Variants in ERBB4 observed in about 807,000 individuals in gnomAD.
The protein encoded by ERBB4 is receptor tyrosine-protein kinase erbB-4.
ERBB4 carries 42 observed loss-of-function variants against 158.0 expected under a neutral mutation model. The observed-to-expected ratio is 0.27, with a 90% CI of 0.21 to 0.34. The LOEUF is 0.34. ERBB4 is among the 10% of genes least tolerant of loss of function. The pLI, the probability that ERBB4 is intolerant of heterozygous loss-of-function variation, is 1.00. For synonymous variants in ERBB4, 583 were observed against 558.7 expected (o/e 1.04, Z -0.61); for missense variants, 1,333 against 1,624.1 (o/e 0.82, Z 3.08).
intron 3 of ERBB4, among the ~76,000 whole-genome samples, chr2:211,902,385 G>A (rs1389638526): frequency 6.6e-6 from 1 of 151,882 alleles, no homozygotes; most frequent in Non-Finnish European, 1.5e-5. Context: ...ATTAACATCT[G>A]TAATATATAA....
chr2:211,849,419 T>C (rs908066215), intron 3 of ERBB4, among the ~76,000 whole-genome samples: 5 of 151,994 alleles, frequency 3.3e-5, no homozygotes, highest in Non-Finnish European at 5.9e-5. Flanking sequence ...TACAATTAAT[T>C]AAAGCAATTT....
intron 1 of ERBB4, among the ~76,000 whole-genome samples, chr2:212,453,534 T>C (rs914612381): frequency 3.9e-5 from 6 of 152,210 alleles, no homozygotes; most frequent in African/African-American, 1.4e-4. Context: ...ATATATTGCA[T>C]TGATATCTAC....
At chr2:211,663,132 C>T (rs1164756113) in intron 15 of ERBB4, among the ~76,000 whole-genome samples, 1 of 152,138 alleles carries the variant, frequency 6.6e-6, no homozygotes, top group Non-Finnish European at 1.5e-5. Flanking sequence ...TATCTCAAAG[C>T]ATAATGTTGA....
intron 22 of ERBB4, among the ~76,000 whole-genome samples, chr2:211,424,919 A>C (rs2063592727): frequency 6.6e-6 from 1 of 152,156 alleles, no homozygotes; most frequent in Non-Finnish European, 1.5e-5. Flanking sequence ...AAAATTGTGA[A>C]GGGGATAGAA....
chr2:212,468,991 A>G (rs796391634), intron 1 of ERBB4, among the ~76,000 whole-genome samples: 13 of 152,322 alleles, frequency 8.5e-5, no homozygotes, highest in African/African-American at 3.1e-4. Flanking sequence ...GTAGACTGCT[A>G]TGGGGATCAA....
intron 3 of ERBB4, among the ~76,000 whole-genome samples, chr2:211,826,420 A>G (rs1176766489): frequency 6.6e-6 from 1 of 151,920 alleles, no homozygotes; most frequent in East Asian, 1.9e-4. Context: ...GAATCATAAA[A>G]ATATATTTCA....
rs2062558107 is a variant in ERBB4 at position 211,380,567 on chromosome 2, A to T, written c.*3048T>A. On this transcript the variant is annotated 3_prime_UTR_variant, in exon 28 of 28. Transcript: ENST00000342788. ...AAATTCTACCCTACTGGACTAAATA[A>T]GTTATTCTCTGGAAGGAATGAAACT... 1 of 232,042 alleles carries T rather than the reference A, an allele frequency of 4.3e-6. No homozygotes were observed. The highest frequency in any genetic ancestry group is 2.2e-5 in the African/African-American group (1 of 45,286). The allele number at this position is 232,042 out of a possible 1,614,324, so 14.4% of individuals were successfully genotyped here. A position where few individuals can be genotyped will look rare whatever the true frequency, so the allele number is the denominator to read the frequency against.
Position 212,056,664 on chromosome 2 carries a change from T to C in ERBB4, c.234+68088A>G, listed in dbSNP as rs541259462. ...AAAGAATTTTCAACCCAGAATTTCA[T>C]ATCCAGCCAAACTGAGCTTCCTAAG... On this transcript the variant is annotated intron_variant, in intron 2 of 27. Coordinates refer to ENST00000342788, the MANE Select transcript of ERBB4 (RefSeq NM_005235.3). Among the ~76,000 whole-genome samples, 7 of 152,168 alleles carry C rather than the reference T, an allele frequency of 4.6e-5. No homozygotes were observed. The East Asian group carries it at 7.7e-4, about 17-fold the overall frequency.
chr2:212,234,926 C>A (rs982639922), intron 1 of ERBB4, among the ~76,000 whole-genome samples: 2 of 152,036 alleles, frequency 1.3e-5, no homozygotes, highest in African/African-American at 2.4e-5. Context: ...CTGTAGGTTG[C>A]CTGTTCACTC....
chr2:212,486,713 A>T (rs1396759330), intron 1 of ERBB4, among the ~76,000 whole-genome samples: 1 of 152,188 alleles, frequency 6.6e-6, no homozygotes, highest in Non-Finnish European at 1.5e-5. Flanking sequence ...AAATCATCTC[A>T]GGGCAGACAG....
At chr2:212,383,583 C>T (rs1432519260) in intron 1 of ERBB4, among the ~76,000 whole-genome samples, 2 of 151,442 alleles carry the variant, frequency 1.3e-5, no homozygotes, top group African/African-American at 4.8e-5. Context: ...AATGTTTAAC[C>T]TCAGGAAGCT....
chr2:212,376,424 C>T (rs1028499902), intron 1 of ERBB4, among the ~76,000 whole-genome samples: 17 of 151,954 alleles, frequency 1.1e-4, no homozygotes, highest in African/African-American at 4.1e-4. Flanking sequence ...GCTTCTTGAC[C>T]TTCTACTTAT....
rs78131946 is a variant in ERBB4 at position 212,304,303 on chromosome 2, C to T, written c.83-179400G>A. Among the ~76,000 whole-genome samples the T allele has an allele frequency of 0.015, 2,225 of 151,614 alleles. 133 individuals are homozygous for T. The East Asian group carries it at 0.19, about 13-fold the overall frequency. On this transcript the variant is annotated intron_variant, in intron 1 of 27. Transcript: ENST00000342788. ...CTAATTCTCTCCCAATTTCCCCTGCCATTCCAAACTATACCTGAATATGGA... is the reference window on the plus strand; with the variant it reads ...CTAATTCTCTCCCAATTTCCCCTGCTATTCCAAACTATACCTGAATATGGA...
chr2:212,440,523 C>T (rs938616954), intron 1 of ERBB4, among the ~76,000 whole-genome samples: 1 of 152,104 alleles, frequency 6.6e-6, no homozygotes, highest in African/African-American at 2.4e-5. Context: ...TTAGTTCTAT[C>T]CCTCTAGAGA....
intron 2 of ERBB4, among the ~76,000 whole-genome samples, chr2:212,124,384 G>A (rs1382571093): frequency 6.6e-6 from 1 of 152,084 alleles, no homozygotes; most frequent in Non-Finnish European, 1.5e-5. Flanking sequence ...TGAAGTGGCA[G>A]AAAAGAGGCA....
intron 2 of ERBB4, among the ~76,000 whole-genome samples, chr2:212,059,943 G>C (rs1285845831): frequency 1.3e-5 from 2 of 152,126 alleles, no homozygotes; most frequent in Non-Finnish European, 2.9e-5. Flanking sequence ...TTGACAAATG[G>C]GATCTAATTA....
In ERBB4 at chr2:211,535,476, T is replaced by C. The variant is rs116120415; in HGVS notation, c.2487+26427A>G. Among the ~76,000 whole-genome samples the C allele has an allele frequency of 5.8e-3, 877 of 152,052 alleles. 10 individuals carry two copies. Among genetic ancestry groups the C allele is most frequent in the African/African-American group, 0.02 (830 of 41,508 alleles). On this transcript the variant is annotated intron_variant, in intron 20 of 27. Transcript: ENST00000342788. ...AAGTAGCTAACTGAACTAAAAACAA[T>C]AATTTGGCATTCCTGTGCTTCAGTC...
At chr2:211,422,765 A>C (rs1471453014) in intron 23 of ERBB4, among the ~76,000 whole-genome samples, 1 of 151,932 alleles carries the variant, frequency 6.6e-6, no homozygotes, top group Non-Finnish European at 1.5e-5. Context: ...AAGAAAGGTA[A>C]AATTCTCCAT....
intron 20 of ERBB4, among the ~76,000 whole-genome samples, chr2:211,533,162 T>C (rs1336172062): frequency 6.6e-6 from 1 of 151,946 alleles, no homozygotes; most frequent in Non-Finnish European, 1.5e-5. Context: ...TTCAGTAATA[T>C]GTAGGTAGAC....
Sources: allele counts gnomAD v4.1 joint callset (sites outside exome capture counted in the v4.1 genomes callset), GRCh38; gene constraint gnomAD v4.1.1; transcripts MANE v1.5; gene names NCBI Gene and HGNC (gene_info 2026-07-23, HGNC 2026-07-21).